Variants in ZFHX3 observed in about 807,000 individuals in gnomAD.
ZFHX3 encodes zinc finger homeobox 3, also known as zinc finger homeobox protein 3.
ZFHX3 carries 42 observed loss-of-function variants against 279.1 expected under a neutral mutation model. The ratio of observed to expected loss-of-function variants is 0.15; its 90% CI spans 0.12 to 0.19. ZFHX3 has a LOEUF of 0.19. Ranked by LOEUF, ZFHX3 falls within the 10% of genes least tolerant of loss-of-function variation. The probability of loss-of-function intolerance (pLI) is 1.00; values close to 1 mark genes in which losing one functional copy is unlikely to be tolerated. For missense variants in ZFHX3, 4,981 were observed against 4,754.0 expected (o/e 1.05, Z -1.40); for synonymous variants, 2,293 against 1,957.8 (o/e 1.17, Z -4.52).
intron 4 of ZFHX3, among the ~76,000 whole-genome samples, chr16:73,263,412 C>T (rs1466048197): frequency 1.3e-5 from 2 of 152,160 alleles, no homozygotes. Context: ...TGATCTTGAA[C>T]TCCTAGCCTC....
At chr16:72,800,511 T>C (rs1211419959) in intron 7 of ZFHX3, among the ~76,000 whole-genome samples, 1 of 152,158 alleles carries the variant, frequency 6.6e-6, no homozygotes. Context: ...AGGGCCCTAA[T>C]TAAATCATAC....
intron 1 of ZFHX3, among the ~76,000 whole-genome samples, chr16:73,751,461 A>G (rs2053761470): frequency 6.6e-6 from 1 of 152,186 alleles, no homozygotes; most frequent in South Asian, 2.1e-4. Flanking sequence ...ATTGGACAAC[A>G]TTGTACCTGG....
intron 1 of ZFHX3, among the ~76,000 whole-genome samples, chr16:73,014,680 C>T (rs1964036968): frequency 6.6e-6 from 1 of 151,822 alleles, no homozygotes; most frequent in East Asian, 1.9e-4. Flanking sequence ...GCAGGCACCA[C>T]CATGCCCGGC....
intron 4 of ZFHX3, among the ~76,000 whole-genome samples, chr16:73,292,460 T>C (rs1380792960): frequency 6.6e-6 from 1 of 152,224 alleles, no homozygotes; most frequent in African/African-American, 2.4e-5. Flanking sequence ...TGAGTTATTT[T>C]ATAGAAATGC....
chr16:73,204,391 G>A (rs1463972941), intron 5 of ZFHX3, among the ~76,000 whole-genome samples: 1 of 152,018 alleles, frequency 6.6e-6, no homozygotes, highest in African/African-American at 2.4e-5. Context: ...GCGGGTAATG[G>A]GAGACAGTGA....
rs1334159390 is a variant in ZFHX3 at position 72,794,634 on chromosome 16, C to A, written c.8048G>T (p.Arg2683Leu). The A allele has an allele frequency of 6.2e-7, 1 of 1,614,184 alleles. No individual in the cohort carries two copies. The highest frequency in any genetic ancestry group is 1.7e-5 in the Admixed American group (1 of 60,030). ...GTTCTGAAACCAGACTTGTACCACA[C>A]GTTTCTTCAAGCCCACCTCGTGTGC... The part of the protein sequence containing the change: ...HIAHEVGLKK[R>L]VVQVWFQNTR... Residue 2683 changes from arginine (R) to leucine (L), a missense_variant, in exon 9 of 10, where the codon CGT (arginine) becomes CTT (leucine). Coordinates refer to ENST00000268489, the MANE Select transcript of ZFHX3 (RefSeq NM_006885.4). This position sits in a 1 kb window ranked among gnomAD's most constrained non-coding sequence, Gnocchi z 4.2.
intron 1 of ZFHX3, among the ~76,000 whole-genome samples, chr16:73,890,200 A>AT (rs2030482720): frequency 6.7e-6 from 1 of 149,218 alleles, no homozygotes; most frequent in Admixed American, 6.8e-5. Context: ...TCGTTGTTAA[A>AT]TTTTTTCTTC....
At chr16:73,674,277 A>C (rs2052932119) in intron 2 of ZFHX3, among the ~76,000 whole-genome samples, 1 of 152,242 alleles carries the variant, frequency 6.6e-6, no homozygotes, top group Non-Finnish European at 1.5e-5. Context: ...AGAATGAAAA[A>C]AGAAAGATGA....
At chr16:73,054,066 G>C (rs889027902) in intron 1 of ZFHX3, among the ~76,000 whole-genome samples, 6 of 151,836 alleles carry the variant, frequency 4.0e-5, no homozygotes, top group Non-Finnish European at 8.8e-5. Context: ...GGGCTGGGGG[G>C]AGGAGTGATA....
At chr16:73,273,189 C>T (rs2014199794) in intron 4 of ZFHX3, among the ~76,000 whole-genome samples, 1 of 152,094 alleles carries the variant, frequency 6.6e-6, no homozygotes, top group Admixed American at 6.5e-5. Flanking sequence ...TGGGGTTCAC[C>T]TGCTACAAGG....
At chr16:73,750,816 T>C (rs2053755828) in intron 1 of ZFHX3, among the ~76,000 whole-genome samples, 1 of 152,122 alleles carries the variant, frequency 6.6e-6, no homozygotes, top group Non-Finnish European at 1.5e-5. Flanking sequence ...ATATGATGCC[T>C]TGATGGGAAT....
At chr16:73,659,129 G>C (rs1024358007) in intron 2 of ZFHX3, among the ~76,000 whole-genome samples, 4 of 152,178 alleles carry the variant, frequency 2.6e-5, no homozygotes, top group Admixed American at 1.3e-4. Context: ...AATATATATG[G>C]TTCCCGCAGT....
chr16:73,871,482 A>G (rs1962161428), intron 1 of ZFHX3, among the ~76,000 whole-genome samples: 1 of 151,534 alleles, frequency 6.6e-6, no homozygotes, highest in Non-Finnish European at 1.5e-5. Flanking sequence ...CTGGGAGGAC[A>G]ATAAAAAAAA....
At chr16:73,449,513 A>G (rs2018247322) in intron 3 of ZFHX3, among the ~76,000 whole-genome samples, 1 of 152,212 alleles carries the variant, frequency 6.6e-6, no homozygotes, top group Non-Finnish European at 1.5e-5. Context: ...AACAACAACA[A>G]CAATAATATA....
intron 3 of ZFHX3, among the ~76,000 whole-genome samples, chr16:73,368,169 C>A (rs769400337): frequency 3.3e-5 from 5 of 152,218 alleles, no homozygotes; most frequent in Non-Finnish European, 5.9e-5. Context: ...CTGCACCCAG[C>A]TGCAAAGAAG....
At chr16:73,352,552 T>A (rs1348831045) in intron 3 of ZFHX3, among the ~76,000 whole-genome samples, 1 of 131,532 alleles carries the variant, frequency 7.6e-6, no homozygotes, top group Non-Finnish European at 1.6e-5. Flanking sequence ...AGATCACGAC[T>A]CACTGCAATC....
At chr16:73,815,746 C>G (rs328343) in intron 1 of ZFHX3, 57,172 of 151,766 alleles carry the variant, frequency 0.38, 17,103 homozygotes, top group African/African-American at 0.83. Context: ...TGTATTTTTA[C>G]TAGAGACAGG....
chr16:73,097,127 C>A (rs373253136), intron 7 of ZFHX3, among the ~76,000 whole-genome samples: 1 of 152,072 alleles, frequency 6.6e-6, no homozygotes, highest in South Asian at 2.1e-4. Context: ...CATCACAACT[C>A]TCTGCAGCCT....
At chr16:73,057,745 A>G (rs1265828956) in intron 1 of ZFHX3, among the ~76,000 whole-genome samples, 2 of 151,250 alleles carry the variant, frequency 1.3e-5, no homozygotes, top group Non-Finnish European at 2.9e-5. Flanking sequence ...CAGGGCGGAG[A>G]GCGCACAGGT....
Sources: gnomAD v4.1 joint callset for allele counts (sites outside exome capture counted in the v4.1 genomes callset) on GRCh38, gnomAD v4.1.1 for gene constraint, Gnocchi (gnomAD v3.1) non-coding constraint, MANE v1.5 for transcripts, NCBI Gene and HGNC (gene_info 2026-07-23, HGNC 2026-07-21) for gene names.